Variants in CCDC192 observed in about 807,000 individuals in gnomAD.
CCDC192 encodes coiled-coil domain-containing protein 192.
At chr5:127,747,348 T>C (rs969303797) in intron 2 of CCDC192, among the ~76,000 whole-genome samples, 2 of 151,638 alleles carry the variant, frequency 1.3e-5, no homozygotes, top group African/African-American at 4.8e-5. Context: ...TGAGTGAGAA[T>C]ATGCGGTGTT....
intron 3 of CCDC192, among the ~76,000 whole-genome samples, chr5:127,772,653 A>G (rs1225062630): frequency 1.3e-5 from 2 of 152,006 alleles, no homozygotes; most frequent in African/African-American, 2.4e-5. Context: ...TCTGGTAAAA[A>G]TCCTCCTCAA....
At chr5:127,752,241 G>GT (rs1415188025) in intron 2 of CCDC192, among the ~76,000 whole-genome samples, 1 of 152,156 alleles carries the variant, frequency 6.6e-6, no homozygotes, top group Non-Finnish European at 1.5e-5. Flanking sequence ...CATCTTTGTG[G>GT]TTTTATCTAC....
chr5:127,707,343 T>C (rs1751027318), intron 1 of CCDC192, among the ~76,000 whole-genome samples: 2 of 151,176 alleles, frequency 1.3e-5, no homozygotes, highest in African/African-American at 2.4e-5. Flanking sequence ...GAGAGAACAG[T>C]GTAGGAGACA....
chr5:127,809,708 T>A (rs1179733811), intron 5 of CCDC192, among the ~76,000 whole-genome samples: 1 of 152,206 alleles, frequency 6.6e-6, no homozygotes, highest in Non-Finnish European at 1.5e-5. Flanking sequence ...CTATTTATGA[T>A]AATCCAGCTG....
intron 3 of CCDC192, among the ~76,000 whole-genome samples, chr5:127,759,700 T>G (rs1291703009): frequency 6.6e-6 from 1 of 152,182 alleles, no homozygotes. Flanking sequence ...GTTCTCTTTA[T>G]GCCTTCAGCC....
chr5:127,795,161 G>A (rs1256644468), intron 3 of CCDC192, among the ~76,000 whole-genome samples: 1 of 151,964 alleles, frequency 6.6e-6, no homozygotes, highest in Non-Finnish European at 1.5e-5. Context: ...GTGGTGGTGT[G>A]AGCCTGTAGT....
intron 5 of CCDC192, among the ~76,000 whole-genome samples, chr5:127,872,568 C>T (rs1024695548): frequency 2.0e-5 from 3 of 152,156 alleles, no homozygotes; most frequent in African/African-American, 4.8e-5. Context: ...TCACCAAGGG[C>T]CTGCCTGAAG....
intron 5 of CCDC192, among the ~76,000 whole-genome samples, chr5:127,827,064 A>G (rs939544721): frequency 2.0e-5 from 3 of 152,232 alleles, no homozygotes; most frequent in Non-Finnish European, 1.5e-5. Flanking sequence ...TGAATGGATC[A>G]TGATTTGTGT....
At chr5:127,785,933 G>T in intron 3 of CCDC192, 1 of 461,570 alleles carries the variant, frequency 2.2e-6, no homozygotes, top group South Asian at 2.4e-5. Flanking sequence ...TTTTTATGAA[G>T]GTCAAGCACC....
chr5:127,791,438 T>C (rs569503357), intron 3 of CCDC192, among the ~76,000 whole-genome samples: 2 of 152,356 alleles, frequency 1.3e-5, no homozygotes, highest in South Asian at 4.1e-4. Context: ...TAAGAAGTTC[T>C]AGGAACTGGT....
chr5:127,868,639 T>C (rs1050145196), intron 5 of CCDC192, among the ~76,000 whole-genome samples: 6 of 152,176 alleles, frequency 3.9e-5, no homozygotes, highest in Admixed American at 2.0e-4. Context: ...ATCCCTGCAA[T>C]TGGGGAGGCC....
chr5:127,915,773 G>T (rs1753504495), intron 6 of CCDC192, among the ~76,000 whole-genome samples: 2 of 152,032 alleles, frequency 1.3e-5, no homozygotes, highest in Non-Finnish European at 2.9e-5. Flanking sequence ...TTTATGTGTG[G>T]CTCAAGACAA....
chr5:127,838,756 G>A (rs1192611063), intron 5 of CCDC192: 1 of 152,168 alleles, frequency 6.6e-6, no homozygotes, highest in Non-Finnish European at 1.5e-5. Flanking sequence ...AGATTGCCTA[G>A]ACCCCAATTT....
rs1313790445 is a variant in CCDC192 at position 127,744,080 on chromosome 5, C to T, written c.115-10188C>T. On this transcript the variant is annotated intron_variant, in intron 2 of 6. Transcript: ENST00000514853. ...CTGCACTCCAGCCTGGGCTACAGAG[C>T]GAGACTCCGTCTCAAAAAAAAAAAA... is the stretch of plus-strand genomic sequence containing the variant. 2.3e-4 allele frequency among the ~76,000 whole-genome samples: 29 copies of T among 125,534 alleles called. No homozygotes were observed. The South Asian group carries it at 4.7e-3, about 20-fold the overall frequency. The allele number at this position is 125,534 out of a possible 152,430, so 82.4% of individuals were successfully genotyped here. A position where few individuals can be genotyped will look rare whatever the true frequency, so the allele number is the denominator to read the frequency against.
intron 2 of CCDC192, among the ~76,000 whole-genome samples, chr5:127,731,614 T>C (rs750385223): frequency 1.3e-5 from 2 of 152,148 alleles, no homozygotes; most frequent in Non-Finnish European, 2.9e-5. Flanking sequence ...GATTTTAAAC[T>C]ATACTACAAG....
intron 2 of CCDC192, among the ~76,000 whole-genome samples, chr5:127,740,800 C>T (rs951520710): frequency 6.6e-6 from 1 of 152,146 alleles, no homozygotes; most frequent in Non-Finnish European, 1.5e-5. Flanking sequence ...TATCACTTTA[C>T]TCATGAGCTG....
chr5:127,906,321 G>C (rs1465767249), intron 6 of CCDC192, among the ~76,000 whole-genome samples: 5 of 152,222 alleles, frequency 3.3e-5, no homozygotes, highest in Non-Finnish European at 5.9e-5. Context: ...AAATGTTAAG[G>C]TACATCCATG....
intron 5 of CCDC192, among the ~76,000 whole-genome samples, chr5:127,865,848 T>C (rs2127115124): frequency 6.6e-6 from 1 of 152,168 alleles, no homozygotes; most frequent in Non-Finnish European, 1.5e-5. Flanking sequence ...ATTTGTAATT[T>C]ATTTGCAGAT....
intron 2 of CCDC192, among the ~76,000 whole-genome samples, chr5:127,712,708 T>G (rs1751408040): frequency 6.6e-6 from 1 of 152,230 alleles, no homozygotes; most frequent in Non-Finnish European, 1.5e-5. Context: ...AAAATAAGGC[T>G]TCTATGAATA....
Sources: gnomAD v4.1 joint callset for allele counts (sites outside exome capture counted in the v4.1 genomes callset) on GRCh38, gnomAD v4.1.1 for gene constraint, MANE v1.5 for transcripts, NCBI Gene and HGNC (gene_info 2026-07-23, HGNC 2026-07-21) for gene names.